The following HLA-DPA1 variants were observed in gnomAD, a reference collection of about 807,000 sequenced individuals.
HLA-DPA1 encodes HLA class II histocompatibility antigen, DP alpha 1 chain.
A neutral mutation model predicts 21.5 loss-of-function variants in HLA-DPA1; 20 were observed. That is an observed-to-expected ratio of 0.93 (90% CI 0.66 to 1.35). HLA-DPA1 has a LOEUF of 1.35. Ranked by LOEUF, HLA-DPA1 falls within the 40% of genes most tolerant of loss-of-function variation. The pLI is 0.00. For missense variants in HLA-DPA1, 279 were observed against 323.0 expected, an observed-to-expected ratio of 0.86 and a Z score of 1.05; for synonymous variants, 123 against 129.6, an observed-to-expected ratio of 0.95 and a Z score of 0.35.
chr6:33,073,753 A>AAAGAGG (rs1315873331), intron 1 of HLA-DPA1, 104 bp from the exon 1 acceptor site: 1 of 572,290 alleles, frequency 1.7e-6, no homozygotes. Flanking sequence ...GTTGCTGGGT[A>AAAGAGG]AAGAGGACGC....
chr6:33,075,743 C>G (rs2071349), intron 1 of HLA-DPA1, among the ~76,000 whole-genome samples: 21,577 of 152,090 alleles, frequency 0.14, 1,624 homozygotes, highest in Middle Eastern at 0.24. Flanking sequence ...GCATAATCTC[C>G]CCAAACATCA....
rs541577977 is a variant in HLA-DPA1, at chr6:33,064,652, T to A, written c.*708A>T. On this transcript the variant is annotated 3_prime_UTR_variant, in exon 6 of 6. Coordinates refer to ENST00000419277, the Ensembl canonical transcript of HLA-DPA1. ...CCATGAAATATTGCTATAATTACAATACAGCCTTGGGAAGGAAGCTCAGGG... is the reference window on the plus strand; with the variant it reads ...CCATGAAATATTGCTATAATTACAAAACAGCCTTGGGAAGGAAGCTCAGGG... 4 of 152,306 alleles carry A rather than the reference T, an allele frequency of 2.6e-5. No homozygotes were observed. In the South Asian group the frequency reaches 8.3e-4, roughly 32 times the overall value. The allele number at this position is 152,306 out of a possible 1,614,324, so 9.4% of individuals were successfully genotyped here.
rs144519530 is a variant in HLA-DPA1, at chr6:33,074,896, A to G, written c.-99-1227T>C. Among the ~76,000 whole-genome samples, 541 of 152,320 alleles carry G rather than the reference A, an allele frequency of 3.6e-3. 3 individuals carry two copies. Among genetic ancestry groups the G allele is most frequent in the East Asian group, 0.026 (133 of 5,188 alleles). ...CCTCTCCTGGCCCCTTAATCCTACTAGACACCTTCTACTACATAATTATTT... is the reference window on the plus strand; with the variant it reads ...CCTCTCCTGGCCCCTTAATCCTACTGGACACCTTCTACTACATAATTATTT... On this transcript the variant is annotated intron_variant, in intron 1 of 5. Transcript: ENST00000419277.
chr6:33,070,824 T>C (rs1762243009), intron 2 of HLA-DPA1, among the ~76,000 whole-genome samples: 1 of 152,232 alleles, frequency 6.6e-6, no homozygotes, highest in African/African-American at 2.4e-5. Flanking sequence ...CATTCTAAAC[T>C]TTTCTTACAT....
At chr6:33,076,264 C>T (rs1260998283) in intron 1 of HLA-DPA1, 3 of 650,808 alleles carry the variant, frequency 4.6e-6, no homozygotes, top group East Asian at 5.5e-5. Context: ...GCAGTGTCCT[C>T]TCTTCCCAGC....
Position 33,080,390 on chromosome 6 carries a change from A to G in HLA-DPA1, c.-100+290T>C. The G allele has an allele frequency of 3.1e-6, 2 of 638,844 alleles. No homozygotes were observed. The highest frequency in any genetic ancestry group is 3.0e-5 in the South Asian group (2 of 65,964). 39.6% of individuals were successfully genotyped at this position (638,844 alleles called of 1,614,324 possible). A position where few individuals can be genotyped will look rare whatever the true frequency, so the allele number is the denominator to read the frequency against. Reference sequence around the variant, plus strand: ...TCCGCCTCCTCCAGCCACCAGCAGAAGGGACTGCCTTCCCCTCAGTGCTCG... The same window carrying G: ...TCCGCCTCCTCCAGCCACCAGCAGAGGGGACTGCCTTCCCCTCAGTGCTCG... On this transcript the variant is annotated intron_variant, in intron 1 of 5. Coordinates refer to ENST00000419277, the Ensembl canonical transcript of HLA-DPA1. This position sits in a 1 kb window ranked among gnomAD's most constrained non-coding sequence, Gnocchi z 4.3.
chr6:33,074,161 T>C (rs1171834608), intron 1 of HLA-DPA1, among the ~76,000 whole-genome samples: 1 of 152,262 alleles, frequency 6.6e-6, no homozygotes, highest in African/African-American at 2.4e-5. Flanking sequence ...TTAGAGGTTT[T>C]AATTAACTTG....
At position 33,068,670 on chromosome 6, in the gene HLA-DPA1, G is replaced by A. The variant is rs190707736; in HGVS notation, c.763C>T (p.Arg255Trp). Residue 255 changes from arginine (R) to tryptophan (W), a missense_variant, in exon 5 of 6, where the codon CGG becomes TGG. Coordinates refer to ENST00000419277, the Ensembl canonical transcript of HLA-DPA1. The stretch of plus-strand genomic sequence containing the variant: ...GTATTTCACAGGGTCCCCTGGGCCC[G>A]GGGGTCATGGCCAGAACGCAGAGAC... 75 of 1,612,360 alleles carry A rather than the reference G, an allele frequency of 4.7e-5. 1 individual carries two copies. Among genetic ancestry groups the A allele is most frequent in the Admixed American group, 3.2e-4 (19 of 59,958 alleles).
exon 5 of HLA-DPA1, chr6:33,068,642 A>G (rs551534043): frequency 1.2e-6 from 2 of 1,608,510 alleles, no homozygotes; most frequent in Non-Finnish European, 1.7e-6. Flanking sequence ...TCCCACCTTT[A>G]CAGTATTTCA....
rs149160316 is a variant in HLA-DPA1 at position 33,072,719 on chromosome 6, C to T, written c.100+752G>A. Among the ~76,000 whole-genome samples the T allele has an allele frequency of 3.6e-3, 541 of 152,294 alleles. 3 individuals carry two copies. Among genetic ancestry groups the T allele is most frequent in the East Asian group, 0.026 (133 of 5,186 alleles). On this transcript the variant is annotated intron_variant, in intron 2 of 5. Coordinates refer to ENST00000419277, the Ensembl canonical transcript of HLA-DPA1. ...CATCATGCACAGGCTTGATGTCATTCTCCCTGATTTCAGCTACAGGAAAAA... is the reference window on the plus strand; with the variant it reads ...CATCATGCACAGGCTTGATGTCATTTTCCCTGATTTCAGCTACAGGAAAAA...
chr6:33,069,488 C>G, intron 3 of HLA-DPA1, 153 bp downstream of exon 2: 4 of 1,102,250 alleles, frequency 3.6e-6, no homozygotes, highest in Non-Finnish European at 5.3e-6. Flanking sequence ...AGAGAGGATG[C>G]AAGCCCTTGC....
chr6:33,076,024 C>G (rs763673115), intron 1 of HLA-DPA1: 187 of 1,596,330 alleles, frequency 1.2e-4, no homozygotes, highest in Non-Finnish European at 1.5e-4. Flanking sequence ...TTTCATTTTG[C>G]CATCCTTTTC....
Position 33,078,538 on chromosome 6 carries a change from C to T in HLA-DPA1, c.-100+2142G>A, listed in dbSNP as rs114723667. ...AATATATCCTATTCTGAATAAGAGA[C>T]GAATTCATTCAGATCAGTGGTTTCA... On this transcript the variant is annotated intron_variant, in intron 1 of 5. Transcript: ENST00000419277. Among the ~76,000 whole-genome samples, 941 of 152,186 alleles carry T rather than the reference C, an allele frequency of 6.2e-3. 11 individuals are homozygous for T. Among genetic ancestry groups the T allele is most frequent in the African/African-American group, 0.022 (897 of 41,498 alleles).
exon 4 of HLA-DPA1, chr6:33,069,123 C>A (rs1216056286): frequency 6.2e-7 from 1 of 1,613,100 alleles, no homozygotes; most frequent in South Asian, 1.1e-5. Flanking sequence ...CTTGTGGAAG[C>A]TGTAATCTGT....
At chr6:33,065,556 C>G (rs139485903) in intron 5 of HLA-DPA1, 1 of 152,442 alleles carries the variant, frequency 6.6e-6, no homozygotes, top group East Asian at 1.9e-4. Flanking sequence ...GAATTTCACC[C>G]TCAAACCCCA....
chr6:33,078,833 A>C (rs1215743520), intron 1 of HLA-DPA1, among the ~76,000 whole-genome samples: 1 of 152,176 alleles, frequency 6.6e-6, no homozygotes, highest in African/African-American at 2.4e-5. Context: ...TGAGGAGGAG[A>C]AACAAAGACT....
chr6:33,072,081 T>C (rs1312418931), intron 2 of HLA-DPA1, among the ~76,000 whole-genome samples: 5 of 152,026 alleles, frequency 3.3e-5, no homozygotes, highest in Admixed American at 6.6e-5. Context: ...GTTTAAAAGA[T>C]GATAAGGAGG....
In HLA-DPA1 at chr6:33,069,228, A is replaced by C. The variant is rs746112212; in HGVS notation, c.419T>G (p.Ile140Ser). Reference sequence around the variant, plus strand: ...GAGCACTGGTGGGAAGAACTTGTCAATGTGGCAGATGAGGGTGTTGGGCTG... The same window carrying C: ...GAGCACTGGTGGGAAGAACTTGTCACTGTGGCAGATGAGGGTGTTGGGCTG... Residue 140 changes from isoleucine (I) to serine (S), a missense_variant, in exon 4 of 6, where the codon ATT (isoleucine) becomes AGT (serine). Physicochemically the swap from Ile to Ser is moderately radical, Grantham distance 142 (BLOSUM62 -2). Coordinates refer to ENST00000419277, the Ensembl canonical transcript of HLA-DPA1. The C allele has an allele frequency of 2.5e-6, 4 of 1,612,942 alleles. No homozygotes were observed. In the South Asian group the frequency reaches 3.3e-5, roughly 13 times the overall value.
At chr6:33,074,752 A>T (rs1166066195) in intron 1 of HLA-DPA1, among the ~76,000 whole-genome samples, 1 of 152,194 alleles carries the variant, frequency 6.6e-6, no homozygotes, top group African/African-American at 2.4e-5. Context: ...TGTCTACTGT[A>T]AAAATAAATT....
Sources: allele counts gnomAD v4.1 joint callset (sites outside exome capture counted in the v4.1 genomes callset), GRCh38; gene constraint gnomAD v4.1.1; non-coding constraint Gnocchi (gnomAD v3.1); transcripts MANE v1.5; gene names NCBI Gene and HGNC (gene_info 2026-07-23, HGNC 2026-07-21).